The following BCL2L14 variants were observed in gnomAD, a reference collection of about 807,000 sequenced individuals.
BCL2L14 encodes apoptosis facilitator Bcl-2-like protein 14.
BCL2L14 carries 27 observed loss-of-function variants against 35.3 expected under a neutral mutation model. That is an observed-to-expected ratio of 0.76 (90% confidence interval 0.56 to 1.05). The LOEUF is 1.05. Ranked by LOEUF, BCL2L14 falls within the 50% of genes least tolerant of loss-of-function variation. The pLI is 0.00. For synonymous variants in BCL2L14, 139 were observed against 145.9 expected, an observed-to-expected ratio of 0.95 and a Z score of 0.34; for missense variants, 377 against 382.6, an observed-to-expected ratio of 0.99 and a Z score of 0.12.
chr12:12,081,546 C>A (rs1280921104), intron 2 of BCL2L14, among the ~76,000 whole-genome samples: 1 of 142,056 alleles, frequency 7.0e-6, no homozygotes, highest in Non-Finnish European at 1.5e-5. Context: ...GTGCCCAAAG[C>A]CCAGATTTTT....
chr12:12,050,029 T>C (rs999113667), intron 1 of BCL2L14: 1 of 152,162 alleles, frequency 6.6e-6, no homozygotes, highest in Non-Finnish European at 1.5e-5. Context: ...TTTCCTAAAA[T>C]TTAATGTGTG....
chr12:12,086,940 A>G (rs1473181508), intron 2 of BCL2L14, among the ~76,000 whole-genome samples: 1 of 152,246 alleles, frequency 6.6e-6, no homozygotes, highest in Non-Finnish European at 1.5e-5. Context: ...CAAAGGGGAA[A>G]GGAGACCCTA....
intron 2 of BCL2L14, among the ~76,000 whole-genome samples, chr12:12,063,509 T>C (rs1447182182): frequency 1.3e-5 from 2 of 151,308 alleles, no homozygotes; most frequent in South Asian, 2.1e-4. Context: ...CACAAAATCT[T>C]CCTTCAGCTT....
intron 2 of BCL2L14, chr12:12,055,484 T>C (rs1232390866): frequency 6.6e-6 from 1 of 152,180 alleles, no homozygotes. Context: ...TTAACATCAA[T>C]GCACGGTTTT....
intron 2 of BCL2L14, among the ~76,000 whole-genome samples, chr12:12,054,229 G>A (rs534384479): frequency 1.3e-5 from 2 of 152,260 alleles, no homozygotes; most frequent in African/African-American, 4.8e-5. Context: ...GGGGCTGGGC[G>A]CAGTAGCTCA....
upstream of BCL2L14, chr12:12,068,098 C>G (rs1197670300): frequency 5.0e-6 from 2 of 397,832 alleles, no homozygotes; most frequent in Non-Finnish European, 8.9e-6. Context: ...TGTGCTCCAC[C>G]ACGCCCAGCT....
At chr12:12,067,941 T>TC (rs201932038), upstream of BCL2L14, among the ~76,000 whole-genome samples, 1 of 139,432 alleles carries the variant, frequency 7.2e-6, no homozygotes, top group Non-Finnish European at 1.5e-5. Context: ...CTTTCAGGAC[T>TC]TTTTTTTTTT....
At chr12:12,095,304 A>G (rs926418574) in intron 5 of BCL2L14, 3 of 985,264 alleles carry the variant, frequency 3.0e-6, no homozygotes, top group African/African-American at 1.7e-5. Context: ...AGTTCCTCAC[A>G]CTTGCAGATA....
intron 4 of BCL2L14, among the ~76,000 whole-genome samples, chr12:12,093,210 A>G (rs967167512): frequency 1.3e-5 from 2 of 152,180 alleles, no homozygotes; most frequent in Admixed American, 6.5e-5. Flanking sequence ...AATGAATTGG[A>G]GTTTTTTTAA....
intron 5 of BCL2L14, chr12:12,095,298 C>T (rs1475366787): frequency 3.0e-6 from 3 of 985,172 alleles, no homozygotes; most frequent in African/African-American, 1.7e-5. Flanking sequence ...GCAGACAGTT[C>T]CTCACACTTG....
At chr12:12,057,852 CTTA>C (rs1948455637) in intron 2 of BCL2L14, among the ~76,000 whole-genome samples, 1 of 146,320 alleles carries the variant, frequency 6.8e-6, no homozygotes, top group African/African-American at 2.5e-5. Context: ...CGTCATGGGC[CTTA>C]AAGACAGTGC....
rs748480352 is a variant in BCL2L14 at position 12,079,571 on chromosome 12, A to G, written c.266A>G (p.Lys89Arg). The change falls in exon 2 of 6, where the codon AAA (lysine) becomes AGA (arginine). Residue 89 changes from lysine to arginine, a missense_variant. Transcript: ENST00000308721. ...SSEKAINLGK[K>R]KSSWKAFFGV... ...GAGAAGGCCATAAACCTTGGCAAGA[A>G]AAAGTCTTCTTGGAAAGCATTCTTT... 6.2e-6 allele frequency: 10 copies of G among 1,614,224 alleles called. No homozygotes were observed. In the Admixed American group the frequency reaches 8.3e-5, roughly 13 times the overall value.
At chr12:12,093,413 G>A (rs979548942) in intron 4 of BCL2L14, among the ~76,000 whole-genome samples, 3 of 152,028 alleles carry the variant, frequency 2.0e-5, no homozygotes, top group Non-Finnish European at 2.9e-5. Context: ...TGGGAGGATC[G>A]CTTGAGGCCA....
At chr12:12,087,418 C>G (rs201172842) in intron 3 of BCL2L14, 32 bp downstream of exon 3, 1 of 1,607,474 alleles carries the variant, frequency 6.2e-7, no homozygotes, top group Non-Finnish European at 8.5e-7. Context: ...GGAGTGTTTG[C>G]CAGGCAGGGG....
At chr12:12,089,132 C>G (rs915357495) in intron 3 of BCL2L14, among the ~76,000 whole-genome samples, 1 of 152,200 alleles carries the variant, frequency 6.6e-6, no homozygotes, top group Non-Finnish European at 1.5e-5. Context: ...TTTGGGAGGC[C>G]AAGGCAGGTG....
chr12:12,093,584 G>C (rs557993671), intron 4 of BCL2L14, among the ~76,000 whole-genome samples: 3 of 152,206 alleles, frequency 2.0e-5, no homozygotes, highest in African/African-American at 7.2e-5. Flanking sequence ...CCTAAGGTTA[G>C]GAGTTCAAGA....
At chr12:12,077,534 T>G (rs2136743400) in intron 1 of BCL2L14, among the ~76,000 whole-genome samples, 1 of 87,042 alleles carries the variant, frequency 1.1e-5, no homozygotes, top group South Asian at 4.1e-4. Flanking sequence ...CAAAACTGAG[T>G]CTCAAAAAAA....
At chr12:12,081,456 CA>C (rs531114346) in intron 2 of BCL2L14, among the ~76,000 whole-genome samples, 11,510 of 93,582 alleles carry the variant, frequency 0.12, 561 homozygotes, top group East Asian at 0.32. Flanking sequence ...ACTCTGTCTC[CA>C]AAAAAAAAAA....
At chr12:12,056,910 T>C (rs10845463) in intron 2 of BCL2L14, among the ~76,000 whole-genome samples, 94,328 of 152,102 alleles carry the variant, frequency 0.62, 30,086 homozygotes, top group East Asian at 0.78. Flanking sequence ...CAATTAAGCA[T>C]GCAATCAAAG....
Sources: gnomAD v4.1 joint callset for allele counts (sites outside exome capture counted in the v4.1 genomes callset) on GRCh38, gnomAD v4.1.1 for gene constraint, MANE v1.5 for transcripts, NCBI Gene and HGNC (gene_info 2026-07-23, HGNC 2026-07-21) for gene names.